The following CDC37 variants were observed in gnomAD, a reference collection of about 807,000 sequenced individuals.
The protein encoded by CDC37 is cell division cycle 37, HSP90 cochaperone.
CDC37 carries 9 observed loss-of-function variants against 46.9 expected under a neutral mutation model. The observed-to-expected ratio is 0.19, with a 90% confidence interval of 0.12 to 0.33. CDC37 has a LOEUF of 0.33. CDC37 is among the 10% of genes least tolerant of loss of function. CDC37 has a pLI of 1.00. For synonymous variants in CDC37, 193 were observed against 191.0 expected, an observed-to-expected ratio of 1.01 and a Z score of -0.09; for missense variants, 388 against 514.6, an observed-to-expected ratio of 0.75 and a Z score of 2.38.
intron 1 of CDC37, among the ~76,000 whole-genome samples, chr19:10,401,608 A>T (rs1025484816): frequency 6.6e-6 from 1 of 152,252 alleles, no homozygotes; most frequent in Non-Finnish European, 1.5e-5. Context: ...TAGAAGCGCT[A>T]GAACTTTCTT....
intron 5 of CDC37, 36 bp downstream of exon 5, chr19:10,394,985 G>A: frequency 6.6e-7 from 1 of 1,508,962 alleles, no homozygotes. Flanking sequence ...CCCTGGGGAG[G>A]GGGCCTCCAG....
chr19:10,400,994 G>C (rs2042515748), intron 1 of CDC37, among the ~76,000 whole-genome samples: 1 of 152,232 alleles, frequency 6.6e-6, no homozygotes, highest in Admixed American at 6.5e-5. Flanking sequence ...CTGAGGCACA[G>C]AGCGATCAAA....
rs903737203 is a variant in CDC37 at position 10,393,634 on chromosome 19, C to T, written c.727-193G>A. On this transcript the variant is annotated intron_variant, in intron 5 of 7. Coordinates refer to ENST00000222005, the MANE Select transcript of CDC37 (RefSeq NM_007065.4). The surrounding 1 kb of genome is among the most constrained non-coding windows in gnomAD (Gnocchi z 4.9). The stretch of plus-strand genomic sequence containing the variant: ...TCATCTGGCATTTGCCAAAGACCAC[C>T]TGCTTGGGAGCCCTGCTCTACTGCA... The T allele has an allele frequency of 6.8e-6, 4 of 583,942 alleles. No homozygotes were observed. In the African/African-American group the frequency reaches 7.5e-5, roughly 11 times the overall value. The allele number at this position is 583,942 out of a possible 1,614,324, so 36.2% of individuals were successfully genotyped here.
rs529125841 is a variant in CDC37 at position 10,394,999 on chromosome 19, C to T, written c.726+22G>A. 30 of 1,510,210 alleles carry T rather than the reference C, an allele frequency of 2.0e-5. 1 individual carries two copies. In the Admixed American group the frequency reaches 4.1e-4, roughly 21 times the overall value. The allele number at this position is 1,510,210 out of a possible 1,614,324, so 93.6% of individuals were successfully genotyped here. ...TCCCTGGGGAGGGGGCCTCCAGCCA[C>T]CTGGCAGCTCAGGGACCCTACCTTA... On this transcript the variant is annotated intron_variant, in intron 5 of 7. Coordinates refer to ENST00000222005, the MANE Select transcript of CDC37 (RefSeq NM_007065.4).
rs1432891202 is a variant in CDC37, at chr19:10,395,258, G to A, written c.573C>T (p.Val191=). The A allele has an allele frequency of 3.1e-6, 5 of 1,613,926 alleles. No homozygotes were observed. Among genetic ancestry groups the A allele is most frequent in the African/African-American group, 1.3e-5 (1 of 74,904 alleles). The change falls in exon 4 of 8, where the codon GTC becomes GTT. Residue 191 remains valine (V), a synonymous_variant. Transcript: ENST00000222005. ...LVCEETANYL[V]IWCIDLEVEE... is the part of the protein sequence containing the mutation. ...CCACCTCTAGGTCAATGCACCAAATGACCAGGTAATTGGCTGTCTCCTCGC... is the reference window on the plus strand; with the variant it reads ...CCACCTCTAGGTCAATGCACCAAATAACCAGGTAATTGGCTGTCTCCTCGC...
chr19:10,392,922 G>A, intron 7 of CDC37, 164 bp downstream of exon 7: 1 of 633,154 alleles, frequency 1.6e-6, no homozygotes, highest in East Asian at 2.7e-5. Context: ...GGATACAGTA[G>A]GTGCTCAATA....
In CDC37 at chr19:10,393,209, G is replaced by A; in HGVS notation, c.909+50C>T. On this transcript the variant is annotated intron_variant, in intron 6 of 7. Transcript: ENST00000222005. The surrounding 1 kb of genome is among the most constrained non-coding windows in gnomAD (Gnocchi z 4.9). ...GGGGCTGGGTCCCTGTGGCCCTGGG[G>A]GGTCCCGCTCAGGGTCTTCCTGCTG... 1 of 1,611,226 alleles carries A rather than the reference G, an allele frequency of 6.2e-7. No homozygotes were observed. Among genetic ancestry groups the A allele is most frequent in the Non-Finnish European group, 8.5e-7 (1 of 1,177,690 alleles).
intron 1 of CDC37, chr19:10,400,477 T>C (rs912216003): frequency 6.6e-6 from 1 of 152,252 alleles, no homozygotes; most frequent in East Asian, 1.9e-4. Context: ...GGCAGGTGGA[T>C]TGCCTGAGCT....
rs1054358652 is a variant in CDC37, at chr19:10,391,422, CG to C, written c.*128del. On this transcript the variant is annotated 3_prime_UTR_variant, in exon 8 of 8. Coordinates refer to ENST00000222005, the MANE Select transcript of CDC37 (RefSeq NM_007065.4). ...AGTGGAGAGGCCAGGGAGGGCTGGG[CG>C]GGCCCCCCAGGCTGGGCCGAGCAGC... The C allele has an allele frequency of 2.3e-5, 25 of 1,103,910 alleles. No homozygotes were observed. In the African/African-American group the frequency reaches 3.6e-4, roughly 16 times the overall value. 68.4% of individuals were successfully genotyped at this position (1,103,910 alleles called of 1,614,324 possible).
rs373952957 is a variant in CDC37, at chr19:10,403,518, G to A, written c.-39C>T. 52 of 1,502,174 alleles carry A rather than the reference G, an allele frequency of 3.5e-5. No individual in the cohort carries two copies. In the East Asian group the frequency reaches 4.5e-4, roughly 13 times the overall value. 93.1% of individuals were successfully genotyped at this position (1,502,174 alleles called of 1,614,324 possible). A position where few individuals can be genotyped will look rare whatever the true frequency, so the allele number is the denominator to read the frequency against. ...CCCAGCCCGCTCCGGCTCGGGTGGC[G>A]GCGACGGCGGCAGCAGTGGAGACTA... On this transcript the variant is annotated 5_prime_UTR_variant, in exon 1 of 8. Transcript: ENST00000222005.
chr19:10,402,212 A>C (rs1337329979), intron 1 of CDC37, among the ~76,000 whole-genome samples: 1 of 150,444 alleles, frequency 6.6e-6, no homozygotes, highest in African/African-American at 2.4e-5. Context: ...TATGTAATGC[A>C]GGCACACTCA....
chr19:10,395,003 G>C lies in CDC37; in HGVS notation c.726+18C>G. 1.3e-6 allele frequency: 2 copies of C among 1,510,402 alleles called. No individual in the cohort carries two copies. Among genetic ancestry groups the C allele is most frequent in the Non-Finnish European group, 8.8e-7 (1 of 1,131,542 alleles). The allele number at this position is 1,510,402 out of a possible 1,614,324, so 93.6% of individuals were successfully genotyped here. The stretch of plus-strand genomic sequence containing the variant: ...TGGGGAGGGGGCCTCCAGCCACCTG[G>C]CAGCTCAGGGACCCTACCTTAATCT... On this transcript the variant is annotated intron_variant, in intron 5 of 7. Coordinates refer to ENST00000222005, the MANE Select transcript of CDC37 (RefSeq NM_007065.4).
At chr19:10,401,534 T>C (rs763857206) in intron 1 of CDC37, among the ~76,000 whole-genome samples, 1 of 152,202 alleles carries the variant, frequency 6.6e-6, no homozygotes, top group Non-Finnish European at 1.5e-5. Context: ...TTCCCAAGAA[T>C]AGTCTTTGGA....
At chr19:10,401,071 C>T (rs1812124759) in intron 1 of CDC37, among the ~76,000 whole-genome samples, 1 of 152,198 alleles carries the variant, frequency 6.6e-6, no homozygotes, top group Non-Finnish European at 1.5e-5. Context: ...CCTAGTCAGG[C>T]CTGTGCTCTG....
intron 1 of CDC37, among the ~76,000 whole-genome samples, chr19:10,400,264 C>T (rs2042512057): frequency 6.6e-6 from 1 of 152,178 alleles, no homozygotes. Context: ...AACTGAGGCT[C>T]ACAGAATCTC....
Position 10,395,904 on chromosome 19 carries a change from G to C in CDC37, c.378+24C>G. ...GGCTCTCTGGCTGCGCATGCGCACT[G>C]CCCGCCCCGCCCGCCCCGCACACCT... is the stretch of plus-strand genomic sequence containing the variant. On this transcript the variant is annotated intron_variant, in intron 2 of 7. Transcript: ENST00000222005. 16 of 1,541,888 alleles carry C rather than the reference G, an allele frequency of 1.0e-5. No individual in the cohort carries two copies. The Admixed American group carries it at 2.5e-4, about 24-fold the overall frequency.
rs1410052865 is a variant in CDC37, at chr19:10,393,402, G to C, written c.766C>G (p.Leu256Val). 1 of 1,613,796 alleles carries C rather than the reference G, an allele frequency of 6.2e-7. No individual in the cohort carries two copies. The highest frequency in any genetic ancestry group is 1.7e-5 in the Admixed American group (1 of 59,998). ...RQYMEGFNDELEAFKERVRGR... is the reference protein window; with the variant it reads ...RQYMEGFNDEVEAFKERVRGR... ...CGCACACGCTCCTTGAAGGCTTCCA[G>C]CTCGTCGTTGAAGCCCTCCATGTAC... The change falls in exon 6 of 8, where the codon CTG becomes GTG. Residue 256 changes from leucine to valine, a missense_variant. This residue lies in a region of CDC37 where 374 missense variants were observed against 467.4 expected (regional missense o/e 0.80). Transcript: ENST00000222005. The surrounding 1 kb of genome is among the most constrained non-coding windows in gnomAD (Gnocchi z 4.9).
Position 10,393,364 on chromosome 19 carries a change from C to T in CDC37, c.804G>A (p.Lys268=). The change falls in exon 6 of 8, where the codon AAG becomes AAA. Residue 268 remains lysine (K), a synonymous_variant. Coordinates refer to ENST00000222005, the MANE Select transcript of CDC37 (RefSeq NM_007065.4). The surrounding 1 kb of genome is among the most constrained non-coding windows in gnomAD (Gnocchi z 4.9). ...CCTTCATGGCCTTCTCGATGCGCAG[C>T]TTGGCACGGCCCCGCACACGCTCCT... ...AFKERVRGRA[K]LRIEKAMKEY... 6.2e-7 allele frequency: 1 copy of T among 1,614,142 alleles called. No homozygotes were observed. Among genetic ancestry groups the T allele is most frequent in the African/African-American group, 1.3e-5 (1 of 75,064 alleles).
intron 2 of CDC37, 163 bp from the exon 3 acceptor site, chr19:10,395,706 G>A (rs1428411687): frequency 3.9e-6 from 3 of 766,674 alleles, no homozygotes; most frequent in Admixed American, 2.4e-5. Flanking sequence ...CCTTGGGGCA[G>A]ATCAGAGGAG....
Sources: allele counts gnomAD v4.1 joint callset (sites outside exome capture counted in the v4.1 genomes callset), GRCh38; gene constraint gnomAD v4.1.1; regional missense constraint gnomAD v4.1.1; non-coding constraint Gnocchi (gnomAD v3.1); transcripts MANE v1.5; gene names NCBI Gene and HGNC (gene_info 2026-07-23, HGNC 2026-07-21).